Variants in KITLG observed in about 807,000 individuals in gnomAD.
KITLG encodes KIT ligand.
Under a neutral mutation model 34.1 loss-of-function variants are expected in KITLG, and 13 were observed. That is an observed-to-expected ratio of 0.38 (90% confidence interval 0.25 to 0.61). The LOEUF (loss-of-function observed/expected upper bound fraction) is 0.61. Ranked by LOEUF, KITLG falls within the 20% of genes least tolerant of loss-of-function variation. KITLG has a pLI of 0.60. For missense variants in KITLG, 292 were observed against 318.9 expected (o/e 0.92, Z 0.64); for synonymous variants, 110 against 104.0 (o/e 1.06, Z -0.35).
intron 3 of KITLG, among the ~76,000 whole-genome samples, chr12:88,526,319 C>T (rs747103147): frequency 8.5e-5 from 13 of 152,132 alleles, no homozygotes; most frequent in East Asian, 3.9e-4. Context: ...AAAATTCACA[C>T]GTATCTAAAA....
intron 1 of KITLG, among the ~76,000 whole-genome samples, chr12:88,572,079 T>C (rs971541850): frequency 6.6e-6 from 1 of 152,186 alleles, no homozygotes; most frequent in African/African-American, 2.4e-5. Flanking sequence ...ATAGAAGCTA[T>C]TTAAAATGGC....
intron 4 of KITLG, 85 bp downstream of exon 4, chr12:88,518,612 G>C: frequency 1.0e-6 from 1 of 978,520 alleles, no homozygotes; most frequent in South Asian, 1.4e-5. Context: ...ATAAATAAAG[G>C]TGCCTCATTT....
At chr12:88,546,787 G>A (rs1566030141) in intron 1 of KITLG, among the ~76,000 whole-genome samples, 1 of 152,130 alleles carries the variant, frequency 6.6e-6, no homozygotes, top group African/African-American at 2.4e-5. Flanking sequence ...CAGGAACAAC[G>A]CCAGTCACTA....
At chr12:88,526,954 C>A (rs1259612404) in intron 3 of KITLG, among the ~76,000 whole-genome samples, 1 of 149,920 alleles carries the variant, frequency 6.7e-6, no homozygotes, top group Non-Finnish European at 1.5e-5. Context: ...CTGAAAACTC[C>A]ACCTCCCAGG....
chr12:88,510,725 G>T (rs966744342), intron 6 of KITLG, among the ~76,000 whole-genome samples: 8 of 152,052 alleles, frequency 5.3e-5, no homozygotes, highest in Non-Finnish European at 1.5e-5. Flanking sequence ...ATTCTCCCAT[G>T]ACTTTTCCTT....
intron 3 of KITLG, among the ~76,000 whole-genome samples, chr12:88,525,438 G>A (rs1027507282): frequency 6.6e-6 from 1 of 152,058 alleles, no homozygotes. Context: ...TTTGAGGAGC[G>A]ACTATATGCA....
intron 7 of KITLG, among the ~76,000 whole-genome samples, 169 bp from the exon 8 acceptor site, chr12:88,506,547 G>T (rs1869068265): frequency 6.6e-6 from 1 of 152,108 alleles, no homozygotes; most frequent in Admixed American, 6.6e-5. Flanking sequence ...AAGCTGCATG[G>T]TACTATCAAC....
intron 4 of KITLG, among the ~76,000 whole-genome samples, chr12:88,516,840 G>GA (rs201320418): frequency 0.14 from 12,137 of 86,126 alleles, 529 homozygotes; most frequent in Middle Eastern, 0.18. Flanking sequence ...CCAGTCTTTA[G>GA]AAAAAAAAAA....
At chr12:88,506,196 G>A (rs1180372424) in intron 8 of KITLG, 115 bp downstream of exon 8, 7 of 769,010 alleles carry the variant, frequency 9.1e-6, no homozygotes, top group Admixed American at 1.8e-5. Context: ...GGACTCACTG[G>A]TTAGGAGCTA....
At chr12:88,530,058 T>C (rs1200462140) in intron 3 of KITLG, among the ~76,000 whole-genome samples, 2 of 152,224 alleles carry the variant, frequency 1.3e-5, no homozygotes, top group African/African-American at 4.8e-5. Context: ...TCTATGATTA[T>C]ACCAGCACAA....
intron 2 of KITLG, among the ~76,000 whole-genome samples, chr12:88,543,862 C>T (rs1314134053): frequency 6.6e-6 from 1 of 152,140 alleles, no homozygotes; most frequent in Non-Finnish European, 1.5e-5. Context: ...AAAACTTTAT[C>T]TTCCTTATAG....
At chr12:88,514,874 C>T (rs1328576337) in intron 6 of KITLG, among the ~76,000 whole-genome samples, 1 of 151,638 alleles carries the variant, frequency 6.6e-6, no homozygotes, top group African/African-American at 2.4e-5. Context: ...TTTTATTCTT[C>T]CTGCACCTTC....
intron 1 of KITLG, among the ~76,000 whole-genome samples, chr12:88,579,302 G>T (rs1028948262): frequency 6.6e-6 from 1 of 152,094 alleles, no homozygotes. Flanking sequence ...AGAACCTCTG[G>T]GGGGTGAAAG....
chr12:88,518,680 A>C lies in KITLG; in HGVS notation c.363+17T>G, dbSNP rs780055400. ...GAGAAGCGTAATGAAAAATAATCCC[A>C]ATGAACACAAAGTTACCTTAGATGA... On this transcript the variant is annotated intron_variant, in intron 4 of 9. Coordinates refer to ENST00000644744, the MANE Select transcript of KITLG (RefSeq NM_000899.5). 2.5e-6 allele frequency: 4 copies of C among 1,603,510 alleles called. No individual in the cohort carries two copies. Among genetic ancestry groups the C allele is most frequent in the Non-Finnish European group, 3.4e-6 (4 of 1,170,690 alleles).
intron 1 of KITLG, among the ~76,000 whole-genome samples, chr12:88,557,766 A>G (rs1313174880): frequency 6.6e-6 from 1 of 152,154 alleles, no homozygotes; most frequent in Non-Finnish European, 1.5e-5. Flanking sequence ...AAAATTCATG[A>G]AAGTTCTGAA....
chr12:88,538,587 T>C (rs11104939), intron 2 of KITLG, among the ~76,000 whole-genome samples: 13,429 of 151,892 alleles, frequency 0.088, 628 homozygotes, highest in Non-Finnish European at 0.1. Flanking sequence ...AGACAAAAGA[T>C]TAGAAGACCA....
chr12:88,542,510 T>C (rs576833644), intron 2 of KITLG, among the ~76,000 whole-genome samples: 42 of 152,220 alleles, frequency 2.8e-4, no homozygotes, highest in African/African-American at 9.4e-4. Flanking sequence ...CCACCATGTA[T>C]AGAGAAAGGC....
In KITLG at chr12:88,532,471, G is replaced by A. The variant is rs745862844; in HGVS notation, c.162C>T (p.Thr54=). ...CATCCATCCCGGGGACATATTTGAG[G>A]GTTATCATGTAGTCTTTTGGAAGAT... The part of the protein sequence containing the change: ...VANLPKDYMI[T]LKYVPGMDVL... Residue 54 remains threonine (T), a synonymous_variant, in exon 3 of 10, where the codon ACC becomes ACT. Transcript: ENST00000644744. 6.2e-7 allele frequency: 1 copy of A among 1,610,494 alleles called. No individual in the cohort carries two copies. The highest frequency in any genetic ancestry group is 2.2e-5 in the East Asian group (1 of 44,778).
chr12:88,580,212 G>C (rs569647257), intron 1 of KITLG, 52 bp downstream of exon 1: 2 of 1,578,438 alleles, frequency 1.3e-6, no homozygotes, highest in African/African-American at 1.3e-5. Flanking sequence ...CCGGGGCACC[G>C]GGCGCGATTT....
Sources: gnomAD v4.1 joint callset for allele counts (sites outside exome capture counted in the v4.1 genomes callset) on GRCh38, gnomAD v4.1.1 for gene constraint, MANE v1.5 for transcripts, NCBI Gene and HGNC (gene_info 2026-07-23, HGNC 2026-07-21) for gene names.